CACNA1E: variants seen among roughly 807,000 people sequenced by gnomAD.
The protein encoded by CACNA1E is calcium voltage-gated channel subunit alpha1 E.
Under a neutral mutation model 259.2 loss-of-function variants are expected in CACNA1E, and 40 were observed. That is an observed-to-expected ratio of 0.15 (90% confidence interval 0.12 to 0.20). The LOEUF (loss-of-function observed/expected upper bound fraction) is 0.20, where lower values mean the gene tolerates loss of function less well. Among genes scored for constraint, CACNA1E ranks in the 10% least tolerant of loss-of-function variants. CACNA1E has a pLI of 1.00. For missense variants in CACNA1E, 1,874 were observed against 3,040.1 expected (o/e 0.62, Z 9.02); for synonymous variants, 1,104 against 1,138.5 (o/e 0.97, Z 0.61).
intron 3 of CACNA1E, among the ~76,000 whole-genome samples, chr1:181,537,709 A>G (rs773266610): frequency 2.0e-4 from 31 of 152,156 alleles, no homozygotes; most frequent in Non-Finnish European, 3.8e-4. Context: ...CTCAGTTAAT[A>G]TTTGAAATTG....
intron 6 of CACNA1E, among the ~76,000 whole-genome samples, chr1:181,586,195 G>A (rs997169901): frequency 6.6e-6 from 1 of 152,194 alleles, no homozygotes; most frequent in Non-Finnish European, 1.5e-5. Flanking sequence ...GAGTGGAGTT[G>A]CCATTAACTA....
chr1:181,758,317 G>A lies in CACNA1E; in HGVS notation c.4494+206G>A, dbSNP rs954885737. On this transcript the variant is annotated intron_variant, in intron 31 of 47. Transcript: ENST00000367573. This position sits in a 1 kb window ranked among gnomAD's most constrained non-coding sequence, Gnocchi z 4.2. ...GCAAAATGCAGTGCAGACTATAGTAGCCATCCAGGGGCTCCCAAGACCTGA... is the reference window on the plus strand; with the variant it reads ...GCAAAATGCAGTGCAGACTATAGTAACCATCCAGGGGCTCCCAAGACCTGA... Among the ~76,000 whole-genome samples, 15 of 152,184 alleles carry A rather than the reference G, an allele frequency of 9.9e-5. No homozygotes were observed. The highest frequency in any genetic ancestry group is 3.6e-4 in the African/African-American group (15 of 41,436).
At chr1:181,779,304 C>G (rs1487163206) in intron 38 of CACNA1E, 2 of 250,800 alleles carry the variant, frequency 8.0e-6, no homozygotes, top group Non-Finnish European at 1.7e-5. Flanking sequence ...TGTTTTCAGT[C>G]TCTCCTGGTC....
intron 6 of CACNA1E, among the ~76,000 whole-genome samples, chr1:181,633,595 G>A (rs1451739391): frequency 2.0e-5 from 3 of 152,224 alleles, no homozygotes; most frequent in African/African-American, 7.2e-5. Context: ...AGGTTGAAGC[G>A]ATTCTCATGC....
At chr1:181,669,659 A>G (rs1401077121) in intron 7 of CACNA1E, among the ~76,000 whole-genome samples, 1 of 152,194 alleles carries the variant, frequency 6.6e-6, no homozygotes, top group Admixed American at 6.5e-5. Flanking sequence ...TAACAAGCAC[A>G]CAGTAAGCTC....
chr1:181,706,460 T>C (rs1004489600), intron 7 of CACNA1E, among the ~76,000 whole-genome samples: 1 of 152,208 alleles, frequency 6.6e-6, no homozygotes, highest in Non-Finnish European at 1.5e-5. Flanking sequence ...TATTTGCTCC[T>C]GTTCTCTCCA....
At chr1:181,701,836 C>T (rs947307817) in intron 7 of CACNA1E, among the ~76,000 whole-genome samples, 4 of 152,162 alleles carry the variant, frequency 2.6e-5, no homozygotes, top group Non-Finnish European at 4.4e-5. Flanking sequence ...AGTGTAGCAT[C>T]CAAGAATATT....
intron 1 of CACNA1E, among the ~76,000 whole-genome samples, chr1:181,353,039 G>A (rs1240344651): frequency 6.6e-6 from 1 of 152,132 alleles, no homozygotes; most frequent in Non-Finnish European, 1.5e-5. Context: ...CCCAGCTTCT[G>A]GACAGCTGCT....
At chr1:181,661,216 T>C (rs1647638442) in intron 7 of CACNA1E, among the ~76,000 whole-genome samples, 1 of 151,966 alleles carries the variant, frequency 6.6e-6, no homozygotes, top group South Asian at 2.1e-4. Context: ...AGGTTTTAGA[T>C]TGTTAGATAA....
At chr1:181,574,165 G>T (rs1650707096) in intron 3 of CACNA1E, among the ~76,000 whole-genome samples, 1 of 152,162 alleles carries the variant, frequency 6.6e-6, no homozygotes. Context: ...AGCATCAGGA[G>T]AAATAACTAA....
chr1:181,528,139 G>A (rs542093), intron 3 of CACNA1E, among the ~76,000 whole-genome samples: 24,789 of 149,286 alleles, frequency 0.17, 2,224 homozygotes, highest in African/African-American at 0.22. Context: ...TGTGGGAGGG[G>A]CCCGGGGTGG....
chr1:181,533,277 T>A (rs529128362), intron 3 of CACNA1E, among the ~76,000 whole-genome samples: 1 of 149,728 alleles, frequency 6.7e-6, no homozygotes, highest in Non-Finnish European at 1.5e-5. Flanking sequence ...GTTATGATTA[T>A]CATGTTTAGG....
At chr1:181,364,224 C>T (rs1197342266) in intron 1 of CACNA1E, among the ~76,000 whole-genome samples, 3 of 152,218 alleles carry the variant, frequency 2.0e-5, no homozygotes, top group Non-Finnish European at 4.4e-5. Context: ...TTGAACTCTA[C>T]ATTGTGTGTC....
chr1:181,530,121 G>A (rs1291404821), intron 3 of CACNA1E, among the ~76,000 whole-genome samples: 1 of 152,150 alleles, frequency 6.6e-6, no homozygotes, highest in Non-Finnish European at 1.5e-5. Flanking sequence ...TCTTTGCTGT[G>A]GTATTCTCAT....
At chr1:181,488,870 A>T (rs1387824391) in intron 1 of CACNA1E, among the ~76,000 whole-genome samples, 1 of 152,198 alleles carries the variant, frequency 6.6e-6, no homozygotes, top group East Asian at 1.9e-4. Context: ...TTATCTCTTT[A>T]TAGCACTGCT....
At chr1:181,389,554 T>C (rs1274471180) in intron 1 of CACNA1E, among the ~76,000 whole-genome samples, 1 of 152,020 alleles carries the variant, frequency 6.6e-6, no homozygotes, top group Non-Finnish European at 1.5e-5. Context: ...AGCAGAAAAA[T>C]AGTGGTTGGC....
chr1:181,695,332 C>T (rs1055666143), intron 7 of CACNA1E, among the ~76,000 whole-genome samples: 2 of 151,984 alleles, frequency 1.3e-5, no homozygotes, highest in Non-Finnish European at 2.9e-5. Context: ...AATAAAATCC[C>T]CATCAAAATT....
chr1:181,401,788 T>C (rs1571774939), intron 1 of CACNA1E, among the ~76,000 whole-genome samples: 1 of 152,234 alleles, frequency 6.6e-6, no homozygotes, highest in African/African-American at 2.4e-5. Flanking sequence ...GTGGCAGCCC[T>C]GCACTTTGAA....
At chr1:181,400,386 G>A (rs558214182) in intron 1 of CACNA1E, among the ~76,000 whole-genome samples, 1 of 152,280 alleles carries the variant, frequency 6.6e-6, no homozygotes, top group South Asian at 2.1e-4. Flanking sequence ...TATGTGGCCT[G>A]ACGTTGGGGT....
Sources: allele counts gnomAD v4.1 joint callset (sites outside exome capture counted in the v4.1 genomes callset), GRCh38; gene constraint gnomAD v4.1.1; non-coding constraint Gnocchi (gnomAD v3.1); transcripts MANE v1.5; gene names NCBI Gene and HGNC (gene_info 2026-07-23, HGNC 2026-07-21).